Variants in PRKCE observed in about 807,000 individuals in gnomAD.
PRKCE encodes protein kinase C epsilon type.
In PRKCE, 16 loss-of-function variants were observed where a neutral mutation model predicts 85.4. That is an observed-to-expected ratio of 0.19 (90% CI 0.13 to 0.28). PRKCE has a LOEUF of 0.28. Among genes scored for constraint, PRKCE ranks in the 10% least tolerant of loss-of-function variants. The pLI is 1.00. For synonymous variants in PRKCE, 388 were observed against 371.5 expected (o/e 1.04, Z -0.51); for missense variants, 573 against 975.2 (o/e 0.59, Z 5.49).
At chr2:45,943,229 C>G (rs1038239497) in intron 2 of PRKCE, among the ~76,000 whole-genome samples, 1 of 152,148 alleles carries the variant, frequency 6.6e-6, no homozygotes, top group Non-Finnish European at 1.5e-5. Context: ...AAATATACTC[C>G]AAAGCAGACT....
chr2:45,942,559 C>T (rs1029973242), intron 2 of PRKCE, among the ~76,000 whole-genome samples: 2 of 152,188 alleles, frequency 1.3e-5, no homozygotes, highest in Non-Finnish European at 2.9e-5. Flanking sequence ...AGGGGAACAG[C>T]AGGGGATGGC....
intron 5 of PRKCE, among the ~76,000 whole-genome samples, chr2:45,983,088 T>C (rs1483164747): frequency 6.6e-6 from 1 of 152,238 alleles, no homozygotes; most frequent in Non-Finnish European, 1.5e-5. Context: ...GTGAGTATAG[T>C]TGTTTTCAGT....
chr2:45,991,552 A>G (rs1406899124), intron 6 of PRKCE, among the ~76,000 whole-genome samples: 3 of 152,202 alleles, frequency 2.0e-5, no homozygotes, highest in Non-Finnish European at 4.4e-5. Flanking sequence ...AAGAGTCCAC[A>G]TTGTGGATGT....
At chr2:45,935,748 G>T (rs1487385081) in intron 2 of PRKCE, among the ~76,000 whole-genome samples, 1 of 146,844 alleles carries the variant, frequency 6.8e-6, no homozygotes, top group African/African-American at 2.5e-5. Flanking sequence ...TCATGCCACC[G>T]CACTCCAGCC....
chr2:45,756,032 C>T (rs1403453495), intron 1 of PRKCE, among the ~76,000 whole-genome samples: 1 of 152,194 alleles, frequency 6.6e-6, no homozygotes, highest in Non-Finnish European at 1.5e-5. Context: ...TCGCTGGGAA[C>T]CACTGGCTTC....
chr2:45,979,752 A>G (rs1702734606), intron 4 of PRKCE, among the ~76,000 whole-genome samples: 1 of 152,158 alleles, frequency 6.6e-6, no homozygotes, highest in South Asian at 2.1e-4. Context: ...CCTACTGCCC[A>G]CATTGCTCCA....
At chr2:45,922,713 C>T (rs1274020592) in intron 2 of PRKCE, among the ~76,000 whole-genome samples, 1 of 152,328 alleles carries the variant, frequency 6.6e-6, no homozygotes, top group African/African-American at 2.4e-5. Context: ...GACGTGTGAG[C>T]TGATCCTCTG....
At chr2:46,093,077 G>A (rs770942601) in intron 11 of PRKCE, among the ~76,000 whole-genome samples, 1 of 152,164 alleles carries the variant, frequency 6.6e-6, no homozygotes, top group South Asian at 2.1e-4. Context: ...TTTCCCCAGA[G>A]AGCATCGTTC....
rs148314415 is a variant in PRKCE, at chr2:45,789,129, G to A, written c.349-53871G>A. Reference sequence around the variant, plus strand: ...GATGACAGGTTCTTGGTGGGGGAAGGTGGCTCATGCCTATAATCCCAGCAC... The same window carrying A: ...GATGACAGGTTCTTGGTGGGGGAAGATGGCTCATGCCTATAATCCCAGCAC... On this transcript the variant is annotated intron_variant, in intron 1 of 14. Coordinates refer to ENST00000306156, the MANE Select transcript of PRKCE (RefSeq NM_005400.3). Among the ~76,000 whole-genome samples, 31 of 152,166 alleles carry A rather than the reference G, an allele frequency of 2.0e-4. No homozygotes were observed. In the East Asian group the frequency reaches 5.8e-3, roughly 28 times the overall value.
chr2:46,187,732 G>A lies in PRKCE; in HGVS notation c.*2851G>A, dbSNP rs1385017242. The A allele has an allele frequency of 6.7e-6, 1 of 149,604 alleles. No individual in the cohort carries two copies. Among genetic ancestry groups the A allele is most frequent in the Non-Finnish European group, 1.5e-5 (1 of 67,518 alleles). 9.3% of individuals were successfully genotyped at this position (149,604 alleles called of 1,614,324 possible). ...TCTTGCTTTAAAAAAAAAAAAGAAGGCTAAAAAATTACCTCTTTTTAAATT... is the reference window on the plus strand; with the variant it reads ...TCTTGCTTTAAAAAAAAAAAAGAAGACTAAAAAATTACCTCTTTTTAAATT... On this transcript the variant is annotated 3_prime_UTR_variant, in exon 15 of 15. Coordinates refer to ENST00000306156, the MANE Select transcript of PRKCE (RefSeq NM_005400.3).
chr2:45,934,170 C>T (rs1432990434), intron 2 of PRKCE, among the ~76,000 whole-genome samples: 5 of 152,256 alleles, frequency 3.3e-5, no homozygotes, highest in South Asian at 4.1e-4. Flanking sequence ...CAGCTTATGC[C>T]GTACTCCCAC....
chr2:45,820,653 T>C lies in PRKCE; in HGVS notation c.349-22347T>C, dbSNP rs1689456156. ...GAAGTGAGGTCCTTAGGAGGCCTTT[T>C]GTCCTTGAGTCTTGTTTCCCGACAC... On this transcript the variant is annotated intron_variant, in intron 1 of 14. Coordinates refer to ENST00000306156, the MANE Select transcript of PRKCE (RefSeq NM_005400.3). Among the ~76,000 whole-genome samples, 3 of 152,196 alleles carry C rather than the reference T, an allele frequency of 2.0e-5. No homozygotes were observed. In the South Asian group the frequency reaches 6.2e-4, roughly 32 times the overall value.
chr2:45,908,990 G>T (rs759853576), intron 2 of PRKCE, among the ~76,000 whole-genome samples: 3 of 152,180 alleles, frequency 2.0e-5, no homozygotes, highest in Non-Finnish European at 4.4e-5. Flanking sequence ...ATAAAAATGC[G>T]TGACTGAGCC....
rs565720474 is a variant in PRKCE, at chr2:45,980,233, A to G, written c.608-63A>G. 188 of 1,527,390 alleles carry G rather than the reference A, an allele frequency of 1.2e-4. No individual in the cohort carries two copies. In the African/African-American group the frequency reaches 2.3e-3, roughly 19 times the overall value. 94.6% of individuals were successfully genotyped at this position (1,527,390 alleles called of 1,614,324 possible). On this transcript the variant is annotated intron_variant, in intron 4 of 14. Coordinates refer to ENST00000306156, the MANE Select transcript of PRKCE (RefSeq NM_005400.3). Reference sequence around the variant, plus strand: ...TGTCACTCCACCAAGCCCTGAATAGATCCTGGGAGGGACACTCCCTTTCCT... The same window carrying G: ...TGTCACTCCACCAAGCCCTGAATAGGTCCTGGGAGGGACACTCCCTTTCCT...
At chr2:45,990,014 G>A (rs1386061877) in intron 6 of PRKCE, among the ~76,000 whole-genome samples, 1 of 152,150 alleles carries the variant, frequency 6.6e-6, no homozygotes, top group Non-Finnish European at 1.5e-5. Flanking sequence ...CACACACTGC[G>A]TTAGAGTCTA....
At chr2:46,099,587 A>G (rs1384465116) in intron 11 of PRKCE, among the ~76,000 whole-genome samples, 4 of 151,698 alleles carry the variant, frequency 2.6e-5, no homozygotes, top group South Asian at 2.1e-4. Context: ...CTTCCAGCGA[A>G]GTTAGTTATT....
chr2:46,031,591 CGTGTGTGT>C (rs58684318), intron 10 of PRKCE, among the ~76,000 whole-genome samples: 3,264 of 144,000 alleles, frequency 0.023, 90 homozygotes, highest in African/African-American at 0.062. Context: ...ACATTCTGCT[CGTGTGTGT>C]GTGTGTGTGT....
At chr2:45,811,180 C>T (rs900949284) in intron 1 of PRKCE, among the ~76,000 whole-genome samples, 1 of 152,172 alleles carries the variant, frequency 6.6e-6, no homozygotes, top group Non-Finnish European at 1.5e-5. Flanking sequence ...AACTAGCAGC[C>T]TCAGCCTCAG....
chr2:45,894,307 C>G (rs1695966480), intron 2 of PRKCE, among the ~76,000 whole-genome samples: 1 of 151,768 alleles, frequency 6.6e-6, no homozygotes. Flanking sequence ...ATTGAGGAAA[C>G]TGATTACTTT....
Sources: allele counts gnomAD v4.1 joint callset (sites outside exome capture counted in the v4.1 genomes callset), GRCh38; gene constraint gnomAD v4.1.1; transcripts MANE v1.5; gene names NCBI Gene and HGNC (gene_info 2026-07-23, HGNC 2026-07-21).